The following H3C12 variants were observed in gnomAD, a reference collection of about 807,000 sequenced individuals.
The protein encoded by H3C12 is histone H3.1.
A neutral mutation model predicts 7.0 loss-of-function variants in H3C12; 7 were observed. That is an observed-to-expected ratio of 1.00 (90% confidence interval 0.57 to 1.87). The LOEUF (loss-of-function observed/expected upper bound fraction) is 1.87. H3C12 is among the 40% of genes most tolerant of loss of function. The pLI is 0.00. For missense variants in H3C12, 167 were observed against 191.4 expected (o/e 0.87, Z 0.75); for synonymous variants, 100 against 78.5 (o/e 1.27, Z -1.45).
At position 27,890,651 on chromosome 6, in the gene H3C12, C is replaced by T; in HGVS notation, c.142G>A (p.Ala48Thr). ...TGATAACGGCGGATCTCACGCAAGG[C>T]CACGGTGCCTGGCCTGTAGCGGTGG... ...KPHRYRPGTV[A>T]LREIRRYQKS... is the part of the protein sequence containing the mutation. The change falls in exon 1 of 1, where the codon GCC becomes ACC. Residue 48 changes from alanine (A) to threonine (T), a missense_variant. This residue lies in a region of H3C12 where 46 missense variants were observed against 78.9 expected (regional missense o/e 0.58). Coordinates refer to ENST00000359303, the MANE Select transcript of H3C12 (RefSeq NM_003535.3). 6.2e-7 allele frequency: 1 copy of T among 1,614,218 alleles called. No homozygotes were observed. The highest frequency in any genetic ancestry group is 8.5e-7 in the Non-Finnish European group (1 of 1,180,016).
At position 27,890,778 on chromosome 6, in the gene H3C12, C is replaced by T; in HGVS notation, c.15G>A (p.Lys5=). The T allele has an allele frequency of 6.2e-7, 1 of 1,613,118 alleles. No individual in the cohort carries two copies. The highest frequency in any genetic ancestry group is 8.5e-7 in the Non-Finnish European group (1 of 1,179,594). MART[K]QTARKSTGGK... is the part of the protein sequence containing the mutation. ...CGCCGGTAGACTTGCGAGCTGTCTG[C>T]TTCGTCCGGGCCATAGTTGAGAAAG... The change falls in exon 1 of 1, where the codon AAG becomes AAA. Residue 5 remains lysine (K), a synonymous_variant. Coordinates refer to ENST00000359303, the MANE Select transcript of H3C12 (RefSeq NM_003535.3).
In H3C12 at chr6:27,890,366, A is replaced by C. The variant is rs1197855843; in HGVS notation, c.*16T>G. 1.3e-6 allele frequency: 2 copies of C among 1,540,646 alleles called. No homozygotes were observed. The highest frequency in any genetic ancestry group is 1.7e-6 in the Non-Finnish European group (2 of 1,144,990). ...AAGCTTGGAAGCAATTAAGAAACCCAAGATAGAGCAGGGGATTATGCTCGC... is the reference window on the plus strand; with the variant it reads ...AAGCTTGGAAGCAATTAAGAAACCCCAGATAGAGCAGGGGATTATGCTCGC... On this transcript the variant is annotated 3_prime_UTR_variant, in exon 1 of 1. Transcript: ENST00000359303.
Position 27,890,766 on chromosome 6 carries a change from G to A in H3C12, c.27C>T (p.Arg9=), listed in dbSNP as rs547660432. The part of the protein sequence containing the change: MARTKQTA[R]KSTGGKAPRK... Reference sequence around the variant, plus strand: ...GCGGTGCCTTGCCGCCGGTAGACTTGCGAGCTGTCTGCTTCGTCCGGGCCA... The same window carrying A: ...GCGGTGCCTTGCCGCCGGTAGACTTACGAGCTGTCTGCTTCGTCCGGGCCA... The change falls in exon 1 of 1, where the codon CGC becomes CGT. Residue 9 remains arginine (R), a synonymous_variant. Transcript: ENST00000359303. 2.5e-6 allele frequency: 4 copies of A among 1,613,604 alleles called. No individual in the cohort carries two copies. The highest frequency in any genetic ancestry group is 1.1e-5 in the South Asian group (1 of 91,032).
At position 27,890,386 on chromosome 6, in the gene H3C12, G is replaced by A; in HGVS notation, c.407C>T (p.Ala136Val). ...QLARRIRGERA is the reference protein window; with the variant it reads ...QLARRIRGERV Reference sequence around the variant, plus strand: ...AACCCAAGATAGAGCAGGGGATTATGCTCGCTCGCCACGGATACGACGCGC... The same window carrying A: ...AACCCAAGATAGAGCAGGGGATTATACTCGCTCGCCACGGATACGACGCGC... Residue 136 changes from alanine (A) to valine (V), a missense_variant, in exon 1 of 1, where the codon GCA becomes GTA. Ala to Val is a moderately conservative substitution (Grantham distance 64, BLOSUM62 0). Transcript: ENST00000359303. The A allele has an allele frequency of 6.3e-7, 1 of 1,576,776 alleles. No individual in the cohort carries two copies. Among genetic ancestry groups the A allele is most frequent in the Non-Finnish European group, 8.6e-7 (1 of 1,159,384 alleles).
chr6:27,890,700 T>A lies in H3C12; in HGVS notation c.93A>T (p.Pro31=), dbSNP rs1215116003. ...GGGGCTTCTTCACACCGCCAGTCGC[T>A]GGAGCGCTTTTGCGCGCTGCCTTGG... ...LATKAARKSA[P]ATGGVKKPHR... Residue 31 remains proline (P), a synonymous_variant, in exon 1 of 1, where the codon CCA becomes CCT. Coordinates refer to ENST00000359303, the MANE Select transcript of H3C12 (RefSeq NM_003535.3). 2 of 1,614,022 alleles carry A rather than the reference T, an allele frequency of 1.2e-6. No homozygotes were observed. The highest frequency in any genetic ancestry group is 2.7e-5 in the African/African-American group (2 of 74,952).
Position 27,890,634 on chromosome 6 carries a change from G to A in H3C12, c.159C>T (p.Arg53=), listed in dbSNP as rs1761879272. The change falls in exon 1 of 1, where the codon CGC becomes CGT. Residue 53 remains arginine (R), a synonymous_variant. Coordinates refer to ENST00000359303, the MANE Select transcript of H3C12 (RefSeq NM_003535.3). The part of the protein sequence containing the change: ...RPGTVALREI[R]RYQKSTELLI... ...GCAGCTCAGTCGACTTCTGATAACG[G>A]CGGATCTCACGCAAGGCCACGGTGC... 6.2e-7 allele frequency: 1 copy of A among 1,614,116 alleles called. No homozygotes were observed. The highest frequency in any genetic ancestry group is 1.1e-5 in the South Asian group (1 of 91,096).
Position 27,890,670 on chromosome 6 carries a change from G to A in H3C12, c.123C>T (p.Arg41=). 6.2e-7 allele frequency: 1 copy of A among 1,614,220 alleles called. No individual in the cohort carries two copies. The highest frequency in any genetic ancestry group is 8.5e-7 in the Non-Finnish European group (1 of 1,180,030). Residue 41 remains arginine (R), a synonymous_variant, in exon 1 of 1, where the codon CGC becomes CGT. Transcript: ENST00000359303. ...PATGGVKKPH[R]YRPGTVALRE... ...GCAAGGCCACGGTGCCTGGCCTGTA[G>A]CGGTGGGGCTTCTTCACACCGCCAG...
chr6:27,890,793 A>G lies in H3C12; in HGVS notation c.-1T>C, dbSNP rs1339170296. On this transcript the variant is annotated 5_prime_UTR_variant, in exon 1 of 1. Transcript: ENST00000359303. The stretch of plus-strand genomic sequence containing the variant: ...GAGCTGTCTGCTTCGTCCGGGCCAT[A>G]GTTGAGAAAGCTATGCTCTGAAAGC... 5.0e-6 allele frequency: 8 copies of G among 1,607,768 alleles called. No individual in the cohort carries two copies. The Admixed American group carries it at 1.4e-4, about 28-fold the overall frequency.
At position 27,890,606 on chromosome 6, in the gene H3C12, T is replaced by G; in HGVS notation, c.187A>C (p.Ile63Leu). The G allele has an allele frequency of 3.1e-6, 5 of 1,614,234 alleles. No homozygotes were observed. Among genetic ancestry groups the G allele is most frequent in the Non-Finnish European group, 3.4e-6 (4 of 1,180,018 alleles). Residue 63 changes from isoleucine (I) to leucine (L), a missense_variant, in exon 1 of 1, where the codon ATC becomes CTC. By Grantham distance (5) the Ile-to-Leu change is conservative. This residue lies in a region of H3C12 where 121 missense variants were observed against 112.5 expected (regional missense o/e 1.08). Coordinates refer to ENST00000359303, the MANE Select transcript of H3C12 (RefSeq NM_003535.3). ...RRYQKSTELLIRKLPFQRLVR... is the reference protein window; with the variant it reads ...RRYQKSTELLLRKLPFQRLVR... ...AGGCGCTGAAATGGCAGTTTGCGGA[T>G]GAGCAGCTCAGTCGACTTCTGATAA...
rs1015895030 is a variant in H3C12, at chr6:27,890,688, A to C, written c.105T>G (p.Gly35=). The C allele has an allele frequency of 6.2e-7, 1 of 1,614,066 alleles. No individual in the cohort carries two copies. The highest frequency in any genetic ancestry group is 8.5e-7 in the Non-Finnish European group (1 of 1,180,002). Reference sequence around the variant, plus strand: ...GCCTGTAGCGGTGGGGCTTCTTCACACCGCCAGTCGCTGGAGCGCTTTTGC... The same window carrying C: ...GCCTGTAGCGGTGGGGCTTCTTCACCCCGCCAGTCGCTGGAGCGCTTTTGC... The part of the protein sequence containing the change: ...AARKSAPATG[G]VKKPHRYRPG... Residue 35 remains glycine (G), a synonymous_variant, in exon 1 of 1, where the codon GGT becomes GGG. Coordinates refer to ENST00000359303, the MANE Select transcript of H3C12 (RefSeq NM_003535.3).
Position 27,890,679 on chromosome 6 carries a change from C to T in H3C12, c.114G>A (p.Lys38=). The change falls in exon 1 of 1, where the codon AAG becomes AAA. Residue 38 remains lysine (K), a synonymous_variant. Transcript: ENST00000359303. The part of the protein sequence containing the change: ...KSAPATGGVK[K]PHRYRPGTVA... ...CGGTGCCTGGCCTGTAGCGGTGGGG[C>T]TTCTTCACACCGCCAGTCGCTGGAG... 5 of 1,614,194 alleles carry T rather than the reference C, an allele frequency of 3.1e-6. No individual in the cohort carries two copies. Among genetic ancestry groups the T allele is most frequent in the Non-Finnish European group, 4.2e-6 (5 of 1,180,010 alleles).
Position 27,890,446 on chromosome 6 carries a change from T to G in H3C12, c.347A>C (p.Lys116Thr), listed in dbSNP as rs765494141. ...GTCCTTAGGCATAATAGTGACACGCTTGGCGTGAATAGCACAGAGGTTGGT... is the reference window on the plus strand; with the variant it reads ...GTCCTTAGGCATAATAGTGACACGCGTGGCGTGAATAGCACAGAGGTTGGT... Reference protein sequence around the residue: ...EDTNLCAIHAKRVTIMPKDIQ... With the variant: ...EDTNLCAIHATRVTIMPKDIQ... The change falls in exon 1 of 1, where the codon AAG (lysine) becomes ACG (threonine). Residue 116 changes from lysine (K) to threonine (T), a missense_variant. Physicochemically the swap from Lys to Thr is moderately conservative, Grantham distance 78 (BLOSUM62 -1). This residue lies in a region of H3C12 where 121 missense variants were observed against 112.5 expected (regional missense o/e 1.08). Coordinates refer to ENST00000359303, the MANE Select transcript of H3C12 (RefSeq NM_003535.3). 1.2e-6 allele frequency: 2 copies of G among 1,613,598 alleles called. No homozygotes were observed. The highest frequency in any genetic ancestry group is 1.7e-6 in the Non-Finnish European group (2 of 1,179,692).
In H3C12 at chr6:27,890,622, C is replaced by T. The variant is rs1334972677; in HGVS notation, c.171G>A (p.Lys57=). ...VALREIRRYQ[K]STELLIRKLP... is the part of the protein sequence containing the mutation. ...GTTTGCGGATGAGCAGCTCAGTCGA[C>T]TTCTGATAACGGCGGATCTCACGCA... The change falls in exon 1 of 1, where the codon AAG becomes AAA. Residue 57 remains lysine (K), a synonymous_variant. Transcript: ENST00000359303. The T allele has an allele frequency of 6.2e-7, 1 of 1,614,246 alleles. No individual in the cohort carries two copies.
chr6:27,890,411 C>T lies in H3C12; in HGVS notation c.382G>A (p.Ala128Thr), dbSNP rs771701828. 8.8e-6 allele frequency: 14 copies of T among 1,595,526 alleles called. No individual in the cohort carries two copies. The South Asian group carries it at 1.6e-4, about 18-fold the overall frequency. The change falls in exon 1 of 1, where the codon GCG becomes ACG. Residue 128 changes from alanine (A) to threonine (T), a missense_variant. Transcript: ENST00000359303. ...GCTCGCTCGCCACGGATACGACGCG[C>T]AAGCTGGATGTCCTTAGGCATAATA... Reference protein sequence around the residue: ...VTIMPKDIQLARRIRGERA With the variant: ...VTIMPKDIQLTRRIRGERA
At position 27,890,498 on chromosome 6, in the gene H3C12, C is replaced by T. The variant is rs935367274; in HGVS notation, c.295G>A (p.Ala99Thr). The T allele has an allele frequency of 2.5e-6, 4 of 1,614,264 alleles. No homozygotes were observed. The highest frequency in any genetic ancestry group is 1.6e-4 in the Middle Eastern group (1 of 6,062). ...AVMALQEACEAYLVGLFEDTN... is the reference protein window; with the variant it reads ...AVMALQEACETYLVGLFEDTN... ...TCTTCAAAGAGACCCACCAGATAGG[C>T]CTCGCACGCCTCTTGCAGCGCCATC... is the stretch of plus-strand genomic sequence containing the variant. Residue 99 changes from alanine (A) to threonine (T), a missense_variant, in exon 1 of 1, where the codon GCC (alanine) becomes ACC (threonine). Ala to Thr is a moderately conservative substitution (Grantham distance 58, BLOSUM62 0). Around this residue, in one of 2 missense-constraint regions of H3C12, gnomAD observed 121 missense variants for 112.5 expected, o/e 1.08. Transcript: ENST00000359303.
At position 27,890,646 on chromosome 6, in the gene H3C12, C is replaced by T. The variant is rs1268210902; in HGVS notation, c.147G>A (p.Leu49=). ...PHRYRPGTVA[L]REIRRYQKST... The stretch of plus-strand genomic sequence containing the variant: ...ACTTCTGATAACGGCGGATCTCACG[C>T]AAGGCCACGGTGCCTGGCCTGTAGC... The change falls in exon 1 of 1, where the codon TTG becomes TTA. Residue 49 remains leucine (L), a synonymous_variant. Transcript: ENST00000359303. 1.2e-6 allele frequency: 2 copies of T among 1,614,108 alleles called. No individual in the cohort carries two copies. The highest frequency in any genetic ancestry group is 1.7e-6 in the Non-Finnish European group (2 of 1,180,026).
Position 27,890,718 on chromosome 6 carries a change from T to A in H3C12, c.75A>T (p.Ala25=), listed in dbSNP as rs777246314. The change falls in exon 1 of 1, where the codon GCA becomes GCT. Residue 25 remains alanine, a synonymous_variant. Coordinates refer to ENST00000359303, the MANE Select transcript of H3C12 (RefSeq NM_003535.3). Reference sequence around the variant, plus strand: ...CAGTCGCTGGAGCGCTTTTGCGCGCTGCCTTGGTGGCCAGCTGCTTCCGCG... The same window carrying A: ...CAGTCGCTGGAGCGCTTTTGCGCGCAGCCTTGGTGGCCAGCTGCTTCCGCG... ...KAPRKQLATK[A]ARKSAPATGG... is the part of the protein sequence containing the mutation. 2 of 1,614,088 alleles carry A rather than the reference T, an allele frequency of 1.2e-6. No homozygotes were observed. Among genetic ancestry groups the A allele is most frequent in the Admixed American group, 1.7e-5 (1 of 60,002 alleles).
chr6:27,890,320 G>A lies in H3C12; in HGVS notation c.*62C>T. 2.8e-6 allele frequency: 4 copies of A among 1,433,544 alleles called. No individual in the cohort carries two copies. Among genetic ancestry groups the A allele is most frequent in the Admixed American group, 4.6e-5 (2 of 43,732 alleles). 88.8% of individuals were successfully genotyped at this position (1,433,544 alleles called of 1,614,324 possible). A position where few individuals can be genotyped will look rare whatever the true frequency, so the allele number is the denominator to read the frequency against. ...AGCTATCCTCAGTGAGAATGTAAGT[G>A]GCTCTGAAAAGAGCCTTTGGAAGCT... On this transcript the variant is annotated 3_prime_UTR_variant, in exon 1 of 1. Coordinates refer to ENST00000359303, the MANE Select transcript of H3C12 (RefSeq NM_003535.3).
Position 27,890,401 on chromosome 6 carries a change from A to G in H3C12, c.392T>C (p.Ile131Thr). The change falls in exon 1 of 1, where the codon ATC becomes ACC. Residue 131 changes from isoleucine to threonine, a missense_variant. By Grantham distance (89) the Ile-to-Thr change is moderately conservative. Coordinates refer to ENST00000359303, the MANE Select transcript of H3C12 (RefSeq NM_003535.3). Reference protein sequence around the residue: ...MPKDIQLARRIRGERA With the variant: ...MPKDIQLARRTRGERA ...AGGGGATTATGCTCGCTCGCCACGG[A>G]TACGACGCGCAAGCTGGATGTCCTT... is the stretch of plus-strand genomic sequence containing the variant. The G allele has an allele frequency of 6.3e-7, 1 of 1,590,804 alleles. No homozygotes were observed. Among genetic ancestry groups the G allele is most frequent in the South Asian group, 1.1e-5 (1 of 89,010 alleles).
Sources: gnomAD v4.1 joint callset for allele counts on GRCh38, gnomAD v4.1.1 for gene constraint, gnomAD v4.1.1 regional missense constraint, MANE v1.5 for transcripts, NCBI Gene and HGNC (gene_info 2026-07-23, HGNC 2026-07-21) for gene names.